The following PCDHA6 variants were observed in gnomAD, a reference collection of about 807,000 sequenced individuals.
PCDHA6 encodes protocadherin alpha 6, also known as protocadherin alpha-6.
Under a neutral mutation model 60.3 loss-of-function variants are expected in PCDHA6, and 55 were observed. That is an observed-to-expected ratio of 0.91 (90% CI 0.73 to 1.14). PCDHA6 has a LOEUF of 1.14. Among genes scored for constraint, PCDHA6 ranks in the 50% most tolerant of loss-of-function variants. PCDHA6 has a pLI of 0.00. For synonymous variants in PCDHA6, 652 were observed against 557.9 expected (o/e 1.17, Z -2.38); for missense variants, 1,327 against 1,256.5 (o/e 1.06, Z -0.85).
intron 1 of PCDHA6, chr5:140,852,515 A>G (rs1258070118): frequency 9.7e-6 from 3 of 310,304 alleles, no homozygotes; most frequent in African/African-American, 6.9e-5. Flanking sequence ...TGACCTTGTG[A>G]TGCTCCCACC....
rs1554168215 is a variant in PCDHA6, at chr5:140,876,039, T to A, written c.2394+45554T>A. 3 of 1,613,746 alleles carry A rather than the reference T, an allele frequency of 1.9e-6. No individual in the cohort carries two copies. Among genetic ancestry groups the A allele is most frequent in the South Asian group, 2.2e-5 (2 of 91,062 alleles). On this transcript the variant is annotated intron_variant, in intron 1 of 3. Transcript: ENST00000529310. ...AAATAAAAACAAAAAAAGATAAAAG[T>A]ATATTGCCTGAATTAGTTCTTCGGA...
At chr5:140,874,492 C>G (rs1289000541) in intron 1 of PCDHA6, among the ~76,000 whole-genome samples, 2 of 152,196 alleles carry the variant, frequency 1.3e-5, no homozygotes, top group Non-Finnish European at 2.9e-5. Context: ...AGGTTGATAT[C>G]AAGTTCACAT....
Position 140,861,518 on chromosome 5 carries a change from G to A in PCDHA6, c.2394+31033G>A, listed in dbSNP as rs560386977. The A allele has an allele frequency of 1.0e-3, 481 of 461,708 alleles. 1 individual carries two copies. Among genetic ancestry groups the A allele is most frequent in the African/African-American group, 8.4e-3 (422 of 50,046 alleles). The allele number at this position is 461,708 out of a possible 1,614,324, so 28.6% of individuals were successfully genotyped here. A position where few individuals can be genotyped will look rare whatever the true frequency, so the allele number is the denominator to read the frequency against. On this transcript the variant is annotated intron_variant, in intron 1 of 3. Transcript: ENST00000529310. The stretch of plus-strand genomic sequence containing the variant: ...TGATAGACCTCGAGGAGCTGTGTGG[G>A]AGGATCTCGGAGTGCAGCATCCACC...
rs146253628 is a variant in PCDHA6 at position 140,848,781 on chromosome 5, T to G, written c.2394+18296T>G. On this transcript the variant is annotated intron_variant, in intron 1 of 3. Coordinates refer to ENST00000529310, the MANE Select transcript of PCDHA6 (RefSeq NM_018909.4). ...TTCTCGGATCGACCGCGAGGAGCTG[T>G]GCGGGCGGAGCGCGGAGTGCAGCAT... 4,068 of 1,593,236 alleles carry G rather than the reference T, an allele frequency of 2.6e-3. 389 individuals are homozygous for G. The highest frequency in any genetic ancestry group is 3.0e-3 in the Non-Finnish European group (3,446 of 1,164,036).
At chr5:140,989,363 T>A (rs2097339689) in intron 3 of PCDHA6, among the ~76,000 whole-genome samples, 1 of 152,158 alleles carries the variant, frequency 6.6e-6, no homozygotes, top group Non-Finnish European at 1.5e-5. Flanking sequence ...GTCACCTGTG[T>A]GACTGAGAGC....
At chr5:140,892,086 C>T (rs965682257) in intron 1 of PCDHA6, among the ~76,000 whole-genome samples, 1 of 152,156 alleles carries the variant, frequency 6.6e-6, no homozygotes, top group Non-Finnish European at 1.5e-5. Context: ...CTAGTTTCCT[C>T]TCGAAACTTT....
At chr5:140,919,823 T>C (rs1554199267) in intron 1 of PCDHA6, among the ~76,000 whole-genome samples, 1 of 152,222 alleles carries the variant, frequency 6.6e-6, no homozygotes, top group Non-Finnish European at 1.5e-5. Flanking sequence ...AAAATATATG[T>C]CCACATAGTA....
intron 1 of PCDHA6, among the ~76,000 whole-genome samples, chr5:140,952,680 G>A (rs1013469820): frequency 6.6e-6 from 1 of 152,128 alleles, no homozygotes; most frequent in Middle Eastern, 3.2e-3. Flanking sequence ...CACATTTTCA[G>A]GATCTTTATA....
chr5:141,003,714 C>T (rs781976885), intron 3 of PCDHA6, among the ~76,000 whole-genome samples: 17 of 152,266 alleles, frequency 1.1e-4, no homozygotes, highest in South Asian at 2.1e-4. Flanking sequence ...GTGAAGATAT[C>T]GGCTAATCCA....
chr5:140,863,773 C>T (rs1170536480), intron 1 of PCDHA6: 19 of 234,462 alleles, frequency 8.1e-5, no homozygotes, highest in African/African-American at 3.6e-4. Context: ...CCGAGGCGGG[C>T]GGATCACTCG....
chr5:140,927,172 G>C (rs782548172), intron 1 of PCDHA6: 2 of 1,614,034 alleles, frequency 1.2e-6, no homozygotes, highest in African/African-American at 2.7e-5. Flanking sequence ...AGCTGCCTGC[G>C]TCTTGACCTA....
At chr5:140,876,768 G>A (rs2056572417) in intron 1 of PCDHA6, 3 of 1,614,212 alleles carry the variant, frequency 1.9e-6, no homozygotes, top group Non-Finnish European at 2.5e-6. Flanking sequence ...ATGGGGGCTC[G>A]CCTTCGCTGT....
At chr5:141,009,463 A>C in intron 3 of PCDHA6, 164 bp from the exon 4 acceptor site, 1 of 954,884 alleles carries the variant, frequency 1.0e-6, no homozygotes, top group Non-Finnish European at 1.2e-6. Context: ...AAACAAATAA[A>C]TAAATAAGTA....
intron 1 of PCDHA6, among the ~76,000 whole-genome samples, chr5:140,896,577 G>A (rs1273423445): frequency 4.7e-5 from 7 of 149,554 alleles, no homozygotes; most frequent in African/African-American, 1.7e-4. Context: ...GGGTTTTGAC[G>A]TGTTGGCCAG....
Position 140,841,591 on chromosome 5 carries a change from C to A in PCDHA6, c.2394+11106C>A, listed in dbSNP as rs2150318680. On this transcript the variant is annotated intron_variant, in intron 1 of 3. Coordinates refer to ENST00000529310, the MANE Select transcript of PCDHA6 (RefSeq NM_018909.4). ...GCATTTTGTTTGTGAATTCTCGGAT[C>A]GACCGCGAGGAGCTGTGCGGGCGGA... The A allele has an allele frequency of 3.1e-6, 5 of 1,614,046 alleles. No individual in the cohort carries two copies. In the South Asian group the frequency reaches 5.5e-5, roughly 18 times the overall value.
intron 1 of PCDHA6, chr5:140,884,466 C>G (rs1212644572): frequency 2.5e-6 from 4 of 1,613,646 alleles, no homozygotes; most frequent in Non-Finnish European, 3.4e-6. Flanking sequence ...GGCGCGTGCG[C>G]GCCGGGCAAG....
At chr5:140,917,278 C>T (rs188364646) in intron 1 of PCDHA6, among the ~76,000 whole-genome samples, 198 of 143,570 alleles carry the variant, frequency 1.4e-3, no homozygotes, top group South Asian at 9.8e-3. Flanking sequence ...TTTGTAATGA[C>T]GCTTTTCCGT....
At chr5:140,897,900 A>G (rs1173970358) in intron 1 of PCDHA6, among the ~76,000 whole-genome samples, 5 of 152,140 alleles carry the variant, frequency 3.3e-5, no homozygotes, top group Non-Finnish European at 5.9e-5. Context: ...GTGAGATGGT[A>G]TCTCATTGTG....
At position 140,850,713 on chromosome 5, in the gene PCDHA6, G is replaced by T. The variant is rs186966305; in HGVS notation, c.2394+20228G>T. 415 of 1,598,196 alleles carry T rather than the reference G, an allele frequency of 2.6e-4. 13 individuals are homozygous for T. The East Asian group carries it at 6.7e-3, about 26-fold the overall frequency. ...GTGCGCGCCTGGCAAGCCGACGCTGGTGTGTTCTAGCGCGGTGGGGAGTTG... is the reference window on the plus strand; with the variant it reads ...GTGCGCGCCTGGCAAGCCGACGCTGTTGTGTTCTAGCGCGGTGGGGAGTTG... On this transcript the variant is annotated intron_variant, in intron 1 of 3. Coordinates refer to ENST00000529310, the MANE Select transcript of PCDHA6 (RefSeq NM_018909.4).
Sources: allele counts gnomAD v4.1 joint callset (sites outside exome capture counted in the v4.1 genomes callset), GRCh38; gene constraint gnomAD v4.1.1; transcripts MANE v1.5; gene names NCBI Gene and HGNC (gene_info 2026-07-23, HGNC 2026-07-21).